AKAP9: variants seen among roughly 807,000 people sequenced by gnomAD.
AKAP9 encodes the protein A-kinase anchor protein 9.
In AKAP9, 311 loss-of-function variants were observed where a neutral mutation model predicts 488.5. The ratio of observed to expected loss-of-function variants is 0.64; its 90% CI spans 0.58 to 0.70. AKAP9 has a LOEUF of 0.70. AKAP9 is among the 30% of genes least tolerant of loss of function. The pLI is 0.00. For missense variants in AKAP9, 4,215 were observed against 4,374.5 expected, an observed-to-expected ratio of 0.96 and a Z score of 1.03; for synonymous variants, 1,462 against 1,483.5, an observed-to-expected ratio of 0.99 and a Z score of 0.33.
At chr7:92,063,542 C>G (rs887586084) in intron 24 of AKAP9, 37 of 975,252 alleles carry the variant, frequency 3.8e-5, no homozygotes, top group Admixed American at 1.9e-4. Flanking sequence ...GGGTGGTAGA[C>G]TTTAAACTCC....
At chr7:92,016,380 T>G (rs1468028146) in intron 11 of AKAP9, 113 bp downstream of exon 11, 1 of 746,952 alleles carries the variant, frequency 1.3e-6, no homozygotes, top group East Asian at 2.8e-5. Flanking sequence ...TTTTTCATCT[T>G]AACATTTTAT....
chr7:92,041,030 G>C, intron 18 of AKAP9, 132 bp downstream of exon 18: 1 of 692,556 alleles, frequency 1.4e-6, no homozygotes, highest in Non-Finnish European at 2.4e-6. Context: ...GCCGAAATCT[G>C]AATAAACTAC....
Position 92,001,218 on chromosome 7 carries a change from G to A in AKAP9, c.1301G>A (p.Arg434Gln), listed in dbSNP as rs60031334. ...QETQRKLEQL[R>Q]AELDEMYGQQ... The stretch of plus-strand genomic sequence containing the variant: ...ACACAAAGAAAGTTAGAACAACTCC[G>A]GGCAGAGCTGGATGAGATGTATGGG... Residue 434 changes from arginine (R) to glutamine (Q), a missense_variant, in exon 8 of 50, where the codon CGG (arginine) becomes CAG (glutamine). Around this residue, in one of 5 missense-constraint regions of AKAP9, gnomAD observed 2,361 missense variants for 2,430.0 expected, o/e 0.97. Coordinates refer to ENST00000356239, the MANE Select transcript of AKAP9 (RefSeq NM_005751.5). 3,469 of 1,613,888 alleles carry A rather than the reference G, an allele frequency of 2.1e-3. 57 individuals are homozygous for A. The African/African-American group carries it at 0.04, about 19-fold the overall frequency.
intron 2 of AKAP9, among the ~76,000 whole-genome samples, chr7:91,978,021 C>T (rs1319362538): frequency 1.3e-5 from 2 of 151,960 alleles, no homozygotes; most frequent in East Asian, 1.9e-4. Context: ...GTGGGCAGAT[C>T]GCTAGAAGTT....
At chr7:91,997,796 C>A (rs2046408909) in intron 7 of AKAP9, among the ~76,000 whole-genome samples, 1 of 152,058 alleles carries the variant, frequency 6.6e-6, no homozygotes, top group South Asian at 2.1e-4. Context: ...GGGGGAATAA[C>A]CTTTGTTATT....
intron 28 of AKAP9, 46 bp from the exon 29 acceptor site, chr7:92,076,809 C>T (rs761567139): frequency 1.2e-5 from 14 of 1,159,136 alleles, no homozygotes; most frequent in South Asian, 4.5e-5. Context: ...TCTTGATAAA[C>T]GTTTGTATAA....
Position 92,083,414 on chromosome 7 carries a change from C to T in AKAP9, c.8405C>T (p.Ala2802Val), listed in dbSNP as rs1290526645. ...ACTCCACAAATTCTTGTTAAAAATGCAGGAATACAAATTAATTTACAGAGT... is the reference window on the plus strand; with the variant it reads ...ACTCCACAAATTCTTGTTAAAAATGTAGGAATACAAATTAATTTACAGAGT... Reference protein sequence around the residue: ...NQTPQILVKNAGIQINLQSEC... With the variant: ...NQTPQILVKNVGIQINLQSEC... Residue 2802 changes from alanine (A) to valine (V), a missense_variant, in exon 33 of 50, where the codon GCA (alanine) becomes GTA (valine). Ala to Val is a moderately conservative substitution (Grantham distance 64). Coordinates refer to ENST00000356239, the MANE Select transcript of AKAP9 (RefSeq NM_005751.5). 6.2e-7 allele frequency: 1 copy of T among 1,613,912 alleles called. No homozygotes were observed. The highest frequency in any genetic ancestry group is 8.5e-7 in the Non-Finnish European group (1 of 1,179,952).
intron 28 of AKAP9, among the ~76,000 whole-genome samples, chr7:92,073,430 C>T (rs1398057845): frequency 1.1e-4 from 17 of 151,558 alleles, no homozygotes; most frequent in Admixed American, 3.3e-4. Flanking sequence ...GCTGTGAACC[C>T]GGGAGGCAGA....
chr7:92,099,768 A>G lies in AKAP9; in HGVS notation c.10795A>G (p.Ile3599Val), dbSNP rs1444854298. 1 of 1,614,044 alleles carries G rather than the reference A, an allele frequency of 6.2e-7. No homozygotes were observed. The highest frequency in any genetic ancestry group is 8.5e-7 in the Non-Finnish European group (1 of 1,179,890). ...ACAAAATGCTGAGCTGACAGGGCAT[A>G]TCAGTCAACTGACTGAAGAGAAGAA... ...LRQNAELTGHISQLTEEKNDL... is the reference protein window; with the variant it reads ...LRQNAELTGHVSQLTEEKNDL... The change falls in exon 44 of 50, where the codon ATC becomes GTC. Residue 3599 changes from isoleucine to valine, a missense_variant. Physicochemically the swap from Ile to Val is conservative, Grantham distance 29 (BLOSUM62 3). Coordinates refer to ENST00000356239, the MANE Select transcript of AKAP9 (RefSeq NM_005751.5).
At position 92,089,643 on chromosome 7, in the gene AKAP9, C is replaced by T. The variant is rs1373048080; in HGVS notation, c.9358+114C>T. 6.8e-6 allele frequency: 8 copies of T among 1,170,790 alleles called. No individual in the cohort carries two copies. In the South Asian group the frequency reaches 1.1e-4, roughly 16 times the overall value. The allele number at this position is 1,170,790 out of a possible 1,614,324, so 72.5% of individuals were successfully genotyped here. A position where few individuals can be genotyped will look rare whatever the true frequency, so the allele number is the denominator to read the frequency against. ...TATTTTCTTGGTCACATTTTCTTCT[C>T]ATTCTCATAATGTTAAGGATACAAT... On this transcript the variant is annotated intron_variant, in intron 38 of 49. Transcript: ENST00000356239.
In AKAP9 at chr7:92,096,702, C is replaced by T; in HGVS notation, c.9743C>T (p.Ser3248Leu). The T allele has an allele frequency of 6.2e-7, 1 of 1,613,948 alleles. No homozygotes were observed. The highest frequency in any genetic ancestry group is 8.5e-7 in the Non-Finnish European group (1 of 1,179,936). Residue 3248 changes from serine (S) to leucine (L), a missense_variant, in exon 41 of 50, where the codon TCA becomes TTA. Physicochemically the swap from Ser to Leu is moderately radical, Grantham distance 145. Around this residue, in one of 5 missense-constraint regions of AKAP9, gnomAD observed 1,476 missense variants for 1,477.4 expected, o/e 1.00. Transcript: ENST00000356239. Reference protein sequence around the residue: ...DKEELEDLKFSLESQKQRNLQ... With the variant: ...DKEELEDLKFLLESQKQRNLQ... ...TTCTCGTACCAGGATCTGAAGTTTT[C>T]ACTTGAGAGTCAGAAACAAAGGAAT... is the stretch of plus-strand genomic sequence containing the variant.
chr7:92,078,717 A>G (rs1813028047), intron 30 of AKAP9, among the ~76,000 whole-genome samples: 1 of 152,182 alleles, frequency 6.6e-6, no homozygotes, highest in South Asian at 2.1e-4. Flanking sequence ...AACCAAATCT[A>G]TTATAAATTA....
At chr7:91,942,351 A>G (rs1790872694) in intron 1 of AKAP9, among the ~76,000 whole-genome samples, 1 of 152,218 alleles carries the variant, frequency 6.6e-6, no homozygotes, top group African/African-American at 2.4e-5. Context: ...AATATAGTTG[A>G]CTTTCCTATA....
chr7:91,956,820 A>G (rs1282933325), intron 1 of AKAP9, among the ~76,000 whole-genome samples: 1 of 152,200 alleles, frequency 6.6e-6, no homozygotes, highest in African/African-American at 2.4e-5. Flanking sequence ...CACTGTGAAT[A>G]GCCATTGTAT....
intron 8 of AKAP9, among the ~76,000 whole-genome samples, chr7:92,003,450 A>G (rs1799417962): frequency 6.6e-6 from 1 of 151,890 alleles, no homozygotes. Context: ...TCTATCTTGT[A>G]TATTCTGCTC....
chr7:92,107,580 T>C (rs1479790311), intron 48 of AKAP9, 158 bp downstream of exon 48: 1 of 710,214 alleles, frequency 1.4e-6, no homozygotes, highest in African/African-American at 1.8e-5. Flanking sequence ...CTCACACCTA[T>C]AATCCCAGCA....
intron 49 of AKAP9, 119 bp from the exon 50 acceptor site, chr7:92,110,003 A>G (rs1167935257): frequency 1.3e-6 from 1 of 795,770 alleles, no homozygotes; most frequent in South Asian, 1.5e-5. Context: ...TTTTAAGGAA[A>G]AAAAGGGCTT....
intron 21 of AKAP9, among the ~76,000 whole-genome samples, chr7:92,045,473 C>A (rs1469952311): frequency 6.6e-6 from 1 of 152,074 alleles, no homozygotes; most frequent in African/African-American, 2.4e-5. Flanking sequence ...CATTTCTCCA[C>A]CGATAAAAGA....
chr7:92,029,378 A>G (rs2130751574), intron 14 of AKAP9, among the ~76,000 whole-genome samples: 1 of 152,338 alleles, frequency 6.6e-6, no homozygotes. Context: ...AAGATAATCA[A>G]ACTTTTTGTA....
Sources: gnomAD v4.1 joint callset for allele counts (sites outside exome capture counted in the v4.1 genomes callset) on GRCh38, gnomAD v4.1.1 for gene constraint, gnomAD v4.1.1 regional missense constraint, MANE v1.5 for transcripts, NCBI Gene and HGNC (gene_info 2026-07-23, HGNC 2026-07-21) for gene names.